Variants in FLT1 observed in about 807,000 individuals in gnomAD.
FLT1 encodes vascular endothelial growth factor receptor 1.
In FLT1, 49 loss-of-function variants were observed where a neutral mutation model predicts 156.3. That is an observed-to-expected ratio of 0.31 (90% CI 0.25 to 0.40). The LOEUF is 0.40. Ranked by LOEUF, FLT1 falls within the 10% of genes least tolerant of loss-of-function variation. The probability of loss-of-function intolerance (pLI) is 1.00; values close to 1 mark genes in which losing one functional copy is unlikely to be tolerated. For missense variants in FLT1, 1,322 were observed against 1,637.2 expected, an observed-to-expected ratio of 0.81 and a Z score of 3.32; for synonymous variants, 594 against 583.8, an observed-to-expected ratio of 1.02 and a Z score of -0.25.
intron 12 of FLT1, among the ~76,000 whole-genome samples, chr13:28,394,569 C>T (rs1185414977): frequency 1.3e-5 from 2 of 152,142 alleles, no homozygotes; most frequent in Non-Finnish European, 2.9e-5. Flanking sequence ...GTGACTAATG[C>T]TAGGCATCAG....
rs1877584479 is a variant in FLT1, at chr13:28,430,054, C to A, written c.1102G>T (p.Val368Leu). The A allele has an allele frequency of 6.2e-7, 1 of 1,603,260 alleles. No individual in the cohort carries two copies. The highest frequency in any genetic ancestry group is 8.5e-7 in the Non-Finnish European group (1 of 1,170,096). The change falls in exon 8 of 30, where the codon GTA (valine) becomes TTA (leucine). Residue 368 changes from valine to leucine, a missense_variant. By Grantham distance (32) the Val-to-Leu change is conservative. Around this residue, in one of 3 missense-constraint regions of FLT1, gnomAD observed 991 missense variants for 1,254.8 expected, o/e 0.79. Transcript: ENST00000282397. ...KVKAFPSPEV[V>L]WLKDGLPATE... ...TGGAAATAAGGATGGTCCTACCATA[C>A]AACTTCCGGCGAGGGAAATGCCTTC...
chr13:28,332,994 C>T (rs1190772561), intron 18 of FLT1, among the ~76,000 whole-genome samples: 1 of 152,216 alleles, frequency 6.6e-6, no homozygotes, highest in Non-Finnish European at 1.5e-5. Flanking sequence ...TACCAAACTC[C>T]TTCCCAGACT....
intron 11 of FLT1, chr13:28,398,986 G>T (rs1875250614): frequency 3.6e-6 from 4 of 1,098,094 alleles, no homozygotes; most frequent in South Asian, 1.3e-5. Context: ...TAAGAGGTGG[G>T]ACATAAAAAA....
chr13:28,451,905 T>C (rs964286964), intron 3 of FLT1, among the ~76,000 whole-genome samples: 2 of 152,192 alleles, frequency 1.3e-5, no homozygotes, highest in Non-Finnish European at 1.5e-5. Flanking sequence ...GGAGGTGTTG[T>C]GGCAGCTGGG....
intron 3 of FLT1, among the ~76,000 whole-genome samples, chr13:28,444,480 A>G (rs1286509959): frequency 6.6e-6 from 1 of 152,156 alleles, no homozygotes; most frequent in Non-Finnish European, 1.5e-5. Flanking sequence ...GAAGATTTTA[A>G]AAAGCTAGTA....
At chr13:28,476,508 T>C (rs1402040238) in intron 1 of FLT1, among the ~76,000 whole-genome samples, 1 of 152,188 alleles carries the variant, frequency 6.6e-6, no homozygotes, top group Non-Finnish European at 1.5e-5. Context: ...CCAGCAACAT[T>C]ATATTTAGTT....
chr13:28,399,578 G>A (rs1593746848), intron 11 of FLT1, among the ~76,000 whole-genome samples: 1 of 152,152 alleles, frequency 6.6e-6, no homozygotes, highest in African/African-American at 2.4e-5. Context: ...GGGAATGGCC[G>A]TGGCCATTTT....
intron 28 of FLT1, 114 bp from the exon 29 acceptor site, chr13:28,306,886 A>G: frequency 1.4e-6 from 1 of 738,092 alleles, no homozygotes. Flanking sequence ...CTCACCCTCC[A>G]CAATCCCAGC....
intron 14 of FLT1, among the ~76,000 whole-genome samples, chr13:28,376,414 A>G (rs1367352831): frequency 6.6e-6 from 1 of 152,242 alleles, no homozygotes; most frequent in African/African-American, 2.4e-5. Flanking sequence ...TGCTATCATA[A>G]AAATTTAGCT....
chr13:28,409,286 A>G (rs995174341), intron 10 of FLT1, among the ~76,000 whole-genome samples: 3 of 152,110 alleles, frequency 2.0e-5, no homozygotes, highest in Non-Finnish European at 4.4e-5. Context: ...AAGACAGATG[A>G]AGGCAGTCTG....
At position 28,427,265 on chromosome 13, in the gene FLT1, A is replaced by G; in HGVS notation, c.1330T>C (p.Tyr444His). 6.2e-7 allele frequency: 1 copy of G among 1,614,046 alleles called. No individual in the cohort carries two copies. Among genetic ancestry groups the G allele is most frequent in the Non-Finnish European group, 8.5e-7 (1 of 1,179,912 alleles). ...AVSSFPDPAL[Y>H]PLGSRQILTC... The stretch of plus-strand genomic sequence containing the variant: ...AGGATTTGTCTGCTGCCCAGTGGGT[A>G]GAGAGCCGGGTCTGGAAACGATGAC... The change falls in exon 10 of 30, where the codon TAC becomes CAC. Residue 444 changes from tyrosine to histidine, a missense_variant. Around this residue, in one of 3 missense-constraint regions of FLT1, gnomAD observed 991 missense variants for 1,254.8 expected, o/e 0.79. Coordinates refer to ENST00000282397, the MANE Select transcript of FLT1 (RefSeq NM_002019.4).
rs186030662 is a variant in FLT1 at position 28,314,058 on chromosome 13, C to G, written c.3387-1960G>C. Reference sequence around the variant, plus strand: ...CAAAAAAATACAAGAATTAGTCAAGCATGGTGATGCATGCCTGTAGTCCCT... The same window carrying G: ...CAAAAAAATACAAGAATTAGTCAAGGATGGTGATGCATGCCTGTAGTCCCT... On this transcript the variant is annotated intron_variant, in intron 25 of 29. Coordinates refer to ENST00000282397, the MANE Select transcript of FLT1 (RefSeq NM_002019.4). Among the ~76,000 whole-genome samples the G allele has an allele frequency of 5.3e-4, 81 of 152,176 alleles. 4 individuals are homozygous for G. In the East Asian group the frequency reaches 0.015, roughly 28 times the overall value.
At chr13:28,314,828 T>C (rs765724539) in intron 25 of FLT1, among the ~76,000 whole-genome samples, 34 of 152,166 alleles carry the variant, frequency 2.2e-4, no homozygotes, top group Non-Finnish European at 4.4e-4. Context: ...CTAAAATCTC[T>C]CCCTCCTCAG....
intron 3 of FLT1, among the ~76,000 whole-genome samples, chr13:28,461,663 A>G (rs1299395920): frequency 6.6e-6 from 1 of 152,202 alleles, no homozygotes; most frequent in African/African-American, 2.4e-5. Flanking sequence ...GAATATCTGC[A>G]CTGGTAGGAT....
chr13:28,384,188 C>G (rs1270028716), intron 14 of FLT1, among the ~76,000 whole-genome samples: 2 of 152,122 alleles, frequency 1.3e-5, no homozygotes, highest in Non-Finnish European at 2.9e-5. Flanking sequence ...AATCCCAGCA[C>G]TTTGGGAGGC....
chr13:28,442,683 T>A (rs1324431527), intron 3 of FLT1, among the ~76,000 whole-genome samples: 1 of 147,200 alleles, frequency 6.8e-6, no homozygotes, highest in Non-Finnish European at 1.5e-5. Context: ...TGTTTGCAAA[T>A]GAGCATATGA....
Position 28,300,456 on chromosome 13 carries a change from T to C in FLT1, c.*2711A>G. The C allele has an allele frequency of 4.3e-6, 1 of 233,142 alleles. No homozygotes were observed. 14.4% of individuals were successfully genotyped at this position (233,142 alleles called of 1,614,324 possible). On this transcript the variant is annotated 3_prime_UTR_variant, in exon 30 of 30. Coordinates refer to ENST00000282397, the MANE Select transcript of FLT1 (RefSeq NM_002019.4). ...TTATATCTGTAGCATATATTCTTGG[T>C]TTGTATAAAAGTAACTTTAAAATTC... is the stretch of plus-strand genomic sequence containing the variant.
At position 28,370,986 on chromosome 13, in the gene FLT1, G is replaced by A. The variant is rs529945865; in HGVS notation, c.2117-13301C>T. On this transcript the variant is annotated intron_variant, in intron 14 of 29. Coordinates refer to ENST00000282397, the MANE Select transcript of FLT1 (RefSeq NM_002019.4). ...TCAAGAAAGTGTTTTTCTCTCAATA[G>A]AGGAGTAGTTACATAAGTTATGGGA... Among the ~76,000 whole-genome samples, 37 of 152,284 alleles carry A rather than the reference G, an allele frequency of 2.4e-4. 1 individual carries two copies. The South Asian group carries it at 6.4e-3, about 26-fold the overall frequency.
chr13:28,400,676 A>G (rs1018334669), intron 11 of FLT1, among the ~76,000 whole-genome samples: 88 of 152,154 alleles, frequency 5.8e-4, no homozygotes, highest in African/African-American at 2.0e-3. Context: ...TCCAAATACT[A>G]TGGTGTTAAG....
Sources: allele counts gnomAD v4.1 joint callset (sites outside exome capture counted in the v4.1 genomes callset), GRCh38; gene constraint gnomAD v4.1.1; regional missense constraint gnomAD v4.1.1; transcripts MANE v1.5; gene names NCBI Gene and HGNC (gene_info 2026-07-23, HGNC 2026-07-21).